SCAF1: variants seen among roughly 807,000 people sequenced by gnomAD.
SCAF1 encodes SR-related CTD associated factor 1.
Under a neutral mutation model 91.2 loss-of-function variants are expected in SCAF1, and 28 were observed. That is an observed-to-expected ratio of 0.31 (90% CI 0.23 to 0.42). The LOEUF is 0.42. SCAF1 is among the 10% of genes least tolerant of loss of function. SCAF1 has a pLI of 1.00. For synonymous variants in SCAF1, 1,036 were observed against 833.7 expected (o/e 1.24, Z -4.18); for missense variants, 1,893 against 1,872.1 (o/e 1.01, Z -0.21).
At position 49,651,207 on chromosome 19, in the gene SCAF1, A is replaced by G. The variant is rs1455694046; in HGVS notation, c.818A>G (p.Glu273Gly). The G allele has an allele frequency of 6.2e-7, 1 of 1,613,028 alleles. No homozygotes were observed. The highest frequency in any genetic ancestry group is 8.5e-7 in the Non-Finnish European group (1 of 1,179,804). ...GTPSPEEEEE[E>G]EEEEEEEEED... Reference sequence around the variant, plus strand: ...CCCTCACCTGAGGAGGAAGAGGAGGAGGAAGAGGAAGAAGAAGAGGAAGAG... The same window carrying G: ...CCCTCACCTGAGGAGGAAGAGGAGGGGGAAGAGGAAGAAGAAGAGGAAGAG... Residue 273 changes from glutamate (E) to glycine (G), a missense_variant, in exon 7 of 11, where the codon GAG becomes GGG. Around this residue, in one of 5 missense-constraint regions of SCAF1, gnomAD observed 80 missense variants for 116.6 expected, o/e 0.69. Coordinates refer to ENST00000360565, the MANE Select transcript of SCAF1 (RefSeq NM_021228.3).
chr19:49,656,533 G>A (rs1026537141), intron 9 of SCAF1, among the ~76,000 whole-genome samples: 1 of 152,216 alleles, frequency 6.6e-6, no homozygotes, highest in Non-Finnish European at 1.5e-5. Context: ...CAGAAGGCCT[G>A]TTCTTCTCTG....
rs2081085307 is a variant in SCAF1 at position 49,651,196 on chromosome 19, GGAA to G, written c.810_812del (p.Glu282del). ...CAGCGGGGACCCCCTCACCTGAGGA[GGAA>G]GAGGAGGAGGAAGAGGAAGAAGAAG... On this transcript the variant is annotated inframe_deletion, in exon 7 of 11. Transcript: ENST00000360565. 6.2e-7 allele frequency: 1 copy of G among 1,612,904 alleles called. No homozygotes were observed. The highest frequency in any genetic ancestry group is 8.5e-7 in the Non-Finnish European group (1 of 1,179,556).
At position 49,651,860 on chromosome 19, in the gene SCAF1, C is replaced by T. The variant is rs1488275589; in HGVS notation, c.1471C>T (p.Arg491Trp). The T allele has an allele frequency of 2.4e-6, 3 of 1,242,678 alleles. No homozygotes were observed. Among genetic ancestry groups the T allele is most frequent in the Non-Finnish European group, 2.0e-6 (2 of 992,464 alleles). 77.0% of individuals were successfully genotyped at this position (1,242,678 alleles called of 1,614,324 possible). A position where few individuals can be genotyped will look rare whatever the true frequency, so the allele number is the denominator to read the frequency against. The change falls in exon 7 of 11, where the codon CGG becomes TGG. Residue 491 changes from arginine to tryptophan, a missense_variant. Arg to Trp is a moderately radical substitution (Grantham distance 101, BLOSUM62 -3). Coordinates refer to ENST00000360565, the MANE Select transcript of SCAF1 (RefSeq NM_021228.3). ...GCGCCGCAAGATCCTGACCCAACGG[C>T]GGGAGCGCTACCGCCAGCGCTCGCC... is the stretch of plus-strand genomic sequence containing the variant. ...DLRRKILTQR[R>W]ERYRQRSPSP...
chr19:49,652,158 C>A lies in SCAF1; in HGVS notation c.1769C>A (p.Thr590Asn). 9.1e-7 allele frequency: 1 copy of A among 1,102,964 alleles called. No individual in the cohort carries two copies. Among genetic ancestry groups the A allele is most frequent in the Non-Finnish European group, 1.1e-6 (1 of 902,194 alleles). The allele number at this position is 1,102,964 out of a possible 1,614,324, so 68.3% of individuals were successfully genotyped here. A position where few individuals can be genotyped will look rare whatever the true frequency, so the allele number is the denominator to read the frequency against. ...SRSTRRRSRS[T>N]DRRRGGSRRS... The stretch of plus-strand genomic sequence containing the variant: ...TCCACCCGCCGCCGCTCGCGCAGCA[C>A]CGACCGCCGCCGCGGGGGCAGCCGC... The change falls in exon 7 of 11, where the codon ACC (threonine) becomes AAC (asparagine). Residue 590 changes from threonine (T) to asparagine (N), a missense_variant. Thr to Asn is a moderately conservative substitution (Grantham distance 65). Coordinates refer to ENST00000360565, the MANE Select transcript of SCAF1 (RefSeq NM_021228.3).
rs745490549 is a variant in SCAF1, at chr19:49,652,860, C to T, written c.2471C>T (p.Ser824Phe). Residue 824 changes from serine to phenylalanine, a missense_variant, in exon 7 of 11, where the codon TCC (serine) becomes TTC (phenylalanine). By Grantham distance (155) the Ser-to-Phe change is radical. Coordinates refer to ENST00000360565, the MANE Select transcript of SCAF1 (RefSeq NM_021228.3). ...GGCTCAGGCTCTTCATCCTCGTCGT[C>T]CTCCTGTTCTTCCCGGAAGGTGAAG... ...SSGSGSSSSS[S>F]SCSSRKVKLQ... 21 of 1,613,980 alleles carry T rather than the reference C, an allele frequency of 1.3e-5. No homozygotes were observed. Among genetic ancestry groups the T allele is most frequent in the African/African-American group, 2.7e-5 (2 of 74,944 alleles).
intron 6 of SCAF1, among the ~76,000 whole-genome samples, chr19:49,650,493 G>C (rs748442991): frequency 1.3e-5 from 2 of 152,114 alleles, no homozygotes; most frequent in Non-Finnish European, 2.9e-5. Context: ...GGGATGGGTC[G>C]CCGGCACTGG....
rs1470434256 is a variant in SCAF1, at chr19:49,653,077, G to A, written c.2688G>A (p.Lys896=). ...CCAAAGCAGCTCCGGGCAGCACCAA[G>A]CCCAAAAAGACCAAGGTCAAGGCCA... ...EMAKAAPGST[K]PKKTKVKAKA... Residue 896 remains lysine (K), a synonymous_variant, in exon 7 of 11, where the codon AAG becomes AAA. Transcript: ENST00000360565. 6.2e-7 allele frequency: 1 copy of A among 1,613,504 alleles called. No homozygotes were observed. Among genetic ancestry groups the A allele is most frequent in the Admixed American group, 1.7e-5 (1 of 59,946 alleles).
In SCAF1 at chr19:49,651,847, C is replaced by A; in HGVS notation, c.1458C>A (p.Ile486=). Residue 486 remains isoleucine, a synonymous_variant, in exon 7 of 11, where the codon ATC becomes ATA. Coordinates refer to ENST00000360565, the MANE Select transcript of SCAF1 (RefSeq NM_021228.3). ...RWGGLDLRRK[I]LTQRRERYRQ... is the part of the protein sequence containing the mutation. ...GCGGCCTGGACCTGCGCCGCAAGAT[C>A]CTGACCCAACGGCGGGAGCGCTACC... 1 of 1,256,634 alleles carries A rather than the reference C, an allele frequency of 8.0e-7. No homozygotes were observed. Among genetic ancestry groups the A allele is most frequent in the Non-Finnish European group, 1.0e-6 (1 of 1,001,350 alleles). 77.8% of individuals were successfully genotyped at this position (1,256,634 alleles called of 1,614,324 possible). A position where few individuals can be genotyped will look rare whatever the true frequency, so the allele number is the denominator to read the frequency against.
intron 10 of SCAF1, 24 bp downstream of exon 10, chr19:49,657,913 G>GAC (rs1414392549): frequency 5.6e-6 from 9 of 1,607,798 alleles, no homozygotes; most frequent in Non-Finnish European, 7.6e-6. Flanking sequence ...GAGAGGGGCA[G>GAC]ACACAGGCCG....
chr19:49,658,263 G>A lies in SCAF1; in HGVS notation c.3803G>A (p.Arg1268Gln), dbSNP rs773522202. The A allele has an allele frequency of 1.2e-6, 2 of 1,613,602 alleles. No homozygotes were observed. The highest frequency in any genetic ancestry group is 1.7e-6 in the Non-Finnish European group (2 of 1,179,910). The change falls in exon 11 of 11, where the codon CGG becomes CAG. Residue 1268 changes from arginine to glutamine, a missense_variant. Arg to Gln is a conservative substitution (Grantham distance 43, BLOSUM62 1). Coordinates refer to ENST00000360565, the MANE Select transcript of SCAF1 (RefSeq NM_021228.3). ...CCAGTGAAGGTGAGCAACCTGGTGC[G>A]GGCCTACGTCCAGCGCTACCGCTAC... ...INPVKVSNLV[R>Q]AYVQRYRYFR...
At position 49,654,334 on chromosome 19, in the gene SCAF1, C is replaced by G. The variant is rs2081124507; in HGVS notation, c.3317-15C>G. ...CTCTCCCATCTTCATGTTGTCACCT[C>G]TCTGCCTCCTGCAGTGACTGCACTT... On this transcript the variant is annotated splice_polypyrimidine_tract_variant and intron_variant, in intron 7 of 10. Transcript: ENST00000360565. 1 of 1,612,196 alleles carries G rather than the reference C, an allele frequency of 6.2e-7. No homozygotes were observed. The highest frequency in any genetic ancestry group is 2.2e-5 in the East Asian group (1 of 44,880).
chr19:49,645,006 C>T lies in SCAF1; in HGVS notation c.-6-15C>T, dbSNP rs1215691570. 8 of 1,597,522 alleles carry T rather than the reference C, an allele frequency of 5.0e-6. No individual in the cohort carries two copies. Among genetic ancestry groups the T allele is most frequent in the Admixed American group, 3.3e-5 (2 of 59,784 alleles). On this transcript the variant is annotated splice_polypyrimidine_tract_variant and intron_variant, in intron 1 of 10. Coordinates refer to ENST00000360565, the MANE Select transcript of SCAF1 (RefSeq NM_021228.3). This position sits in a 1 kb window ranked among gnomAD's most constrained non-coding sequence, Gnocchi z 4.6. ...CCGGGACCTCCACTCCAAACTCTCC[C>T]CCCTGGACCCCCAGGTGACCATGGA...
In SCAF1 at chr19:49,654,331, C is replaced by T. The variant is rs966004254; in HGVS notation, c.3317-18C>T. ...CACCTCTCCCATCTTCATGTTGTCACCTCTCTGCCTCCTGCAGTGACTGCA... is the reference window on the plus strand; with the variant it reads ...CACCTCTCCCATCTTCATGTTGTCATCTCTCTGCCTCCTGCAGTGACTGCA... On this transcript the variant is annotated intron_variant, in intron 7 of 10. Transcript: ENST00000360565. The T allele has an allele frequency of 3.1e-6, 5 of 1,611,076 alleles. No individual in the cohort carries two copies. The highest frequency in any genetic ancestry group is 4.2e-6 in the Non-Finnish European group (5 of 1,178,202).
At chr19:49,647,088 G>A (rs2081060206) in intron 6 of SCAF1, among the ~76,000 whole-genome samples, 1 of 152,238 alleles carries the variant, frequency 6.6e-6, no homozygotes, top group Non-Finnish European at 1.5e-5. Flanking sequence ...TGCACTGGGC[G>A]TTCATCTCCC....
chr19:49,643,898 A>G (rs1055121482), intron 1 of SCAF1, among the ~76,000 whole-genome samples: 7 of 152,120 alleles, frequency 4.6e-5, no homozygotes, highest in Non-Finnish European at 8.8e-5. Flanking sequence ...GAAAATCTAT[A>G]TGGGATCTAG....
chr19:49,654,947 C>A, intron 9 of SCAF1, 77 bp downstream of exon 9: 1 of 1,197,002 alleles, frequency 8.4e-7, no homozygotes, highest in Non-Finnish European at 1.1e-6. Flanking sequence ...GACGCGGGGG[C>A]CCAAGGAGAA....
chr19:49,653,229 C>A lies in SCAF1; in HGVS notation c.2840C>A (p.Ala947Glu). The change falls in exon 7 of 11, where the codon GCG (alanine) becomes GAG (glutamate). Residue 947 changes from alanine (A) to glutamate (E), a missense_variant. Ala to Glu is a moderately radical substitution (Grantham distance 107). This residue lies in a region of SCAF1 where 1,436 missense variants were observed against 1,306.8 expected (regional missense o/e 1.10). Coordinates refer to ENST00000360565, the MANE Select transcript of SCAF1 (RefSeq NM_021228.3). ...CAGGTGTCGCTGAAGAAGTCCAAGGCGGATAGCTGCAGCCAGGCGGCAGGC... is the reference window on the plus strand; with the variant it reads ...CAGGTGTCGCTGAAGAAGTCCAAGGAGGATAGCTGCAGCCAGGCGGCAGGC... ...GGQVSLKKSK[A>E]DSCSQAAGTK... 6.6e-7 allele frequency: 1 copy of A among 1,507,974 alleles called. No homozygotes were observed. The highest frequency in any genetic ancestry group is 1.3e-5 in the South Asian group (1 of 75,386). The allele number at this position is 1,507,974 out of a possible 1,614,324, so 93.4% of individuals were successfully genotyped here. A position where few individuals can be genotyped will look rare whatever the true frequency, so the allele number is the denominator to read the frequency against.
chr19:49,657,612 A>G (rs866478756), intron 9 of SCAF1, 149 bp from the exon 10 acceptor site: 17 of 970,620 alleles, frequency 1.8e-5, no homozygotes, highest in Middle Eastern at 6.9e-4. Context: ...CAGAGGGCGC[A>G]TGGGACAGAC....
Position 49,645,578 on chromosome 19 carries a change from G to A in SCAF1, c.166+167G>A, listed in dbSNP as rs1224388145. 6.6e-6 allele frequency among the ~76,000 whole-genome samples: 1 copy of A among 152,210 alleles called. No homozygotes were observed. Among genetic ancestry groups the A allele is most frequent in the South Asian group, 2.1e-4 (1 of 4,830 alleles). On this transcript the variant is annotated intron_variant, in intron 3 of 10. Coordinates refer to ENST00000360565, the MANE Select transcript of SCAF1 (RefSeq NM_021228.3). The surrounding 1 kb of genome is among the most constrained non-coding windows in gnomAD (Gnocchi z 4.6). Reference sequence around the variant, plus strand: ...TAGCTGCCTTGGAAGGGCCTAGTGTGCAGTGGAAGGGAGACAGGCACAGTG... The same window carrying A: ...TAGCTGCCTTGGAAGGGCCTAGTGTACAGTGGAAGGGAGACAGGCACAGTG...
Sources: allele counts gnomAD v4.1 joint callset (sites outside exome capture counted in the v4.1 genomes callset), GRCh38; gene constraint gnomAD v4.1.1; regional missense constraint gnomAD v4.1.1; non-coding constraint Gnocchi (gnomAD v3.1); transcripts MANE v1.5; gene names NCBI Gene and HGNC (gene_info 2026-07-23, HGNC 2026-07-21).